The following DENND1A variants were observed in gnomAD, a reference collection of about 807,000 sequenced individuals.
DENND1A encodes the protein DENN domain-containing protein 1A.
A neutral mutation model predicts 113.7 loss-of-function variants in DENND1A; 51 were observed. That is an observed-to-expected ratio of 0.45 (90% CI 0.36 to 0.57). The LOEUF is 0.57. Among genes scored for constraint, DENND1A ranks in the 20% least tolerant of loss-of-function variants. The pLI, the probability that DENND1A is intolerant of heterozygous loss-of-function variation, is 0.00. For synonymous variants in DENND1A, 565 were observed against 570.8 expected, an observed-to-expected ratio of 0.99 and a Z score of 0.14; for missense variants, 1,258 against 1,395.9, an observed-to-expected ratio of 0.90 and a Z score of 1.57.
intron 12 of DENND1A, 132 bp from the exon 13 acceptor site, chr9:123,557,827 A>G: frequency 9.0e-7 from 1 of 1,109,154 alleles, no homozygotes; most frequent in Non-Finnish European, 1.3e-6. Context: ...AGTTACTGGG[A>G]GGACAAAAAC....
At chr9:123,912,270 T>A (rs1854139075) in intron 1 of DENND1A, among the ~76,000 whole-genome samples, 1 of 152,072 alleles carries the variant, frequency 6.6e-6, no homozygotes, top group African/African-American at 2.4e-5. Context: ...ATAAGATGGT[T>A]CTGAAAGGCA....
intron 22 of DENND1A, among the ~76,000 whole-genome samples, chr9:123,385,991 C>G (rs1403288334): frequency 4.6e-5 from 7 of 152,174 alleles, no homozygotes. Flanking sequence ...AAGGCCTGTA[C>G]TGACTTCTAA....
At chr9:123,458,534 T>A (rs950927838) in intron 13 of DENND1A, among the ~76,000 whole-genome samples, 1 of 152,184 alleles carries the variant, frequency 6.6e-6, no homozygotes, top group Non-Finnish European at 1.5e-5. Context: ...AGTCAGATTC[T>A]ACACCCCACA....
intron 19 of DENND1A, among the ~76,000 whole-genome samples, chr9:123,431,694 A>G (rs2046145861): frequency 6.6e-6 from 1 of 152,182 alleles, no homozygotes; most frequent in South Asian, 2.1e-4. Flanking sequence ...AGGCTAACCT[A>G]CTGGAATGGC....
Position 123,389,821 on chromosome 9 carries a change from T to G in DENND1A, c.1632-1963A>C, listed in dbSNP as rs549132079. Reference sequence around the variant, plus strand: ...TCCTGAGCAGGTGAGGGGCAGAGGGTGCGCAGGCCGTGGGCTTCTGCTGCA... The same window carrying G: ...TCCTGAGCAGGTGAGGGGCAGAGGGGGCGCAGGCCGTGGGCTTCTGCTGCA... On this transcript the variant is annotated intron_variant, in intron 21 of 23. Transcript: ENST00000394215. 2.0e-4 allele frequency among the ~76,000 whole-genome samples: 31 copies of G among 151,998 alleles called. 1 individual carries two copies. Among genetic ancestry groups the G allele is most frequent in the Admixed American group, 2.0e-3 (30 of 15,268 alleles).
intron 9 of DENND1A, among the ~76,000 whole-genome samples, chr9:123,635,050 G>A (rs1271349353): frequency 6.6e-6 from 1 of 151,992 alleles, no homozygotes; most frequent in East Asian, 1.9e-4. Flanking sequence ...TGAACGGAGA[G>A]TGATCAATGA....
chr9:123,465,360 ACT>A (rs2048862636), intron 13 of DENND1A, among the ~76,000 whole-genome samples: 1 of 141,736 alleles, frequency 7.1e-6, no homozygotes, highest in Non-Finnish European at 1.5e-5. Context: ...GAAACTTAAA[ACT>A]CTGTTTCTAT....
At chr9:123,514,028 C>T (rs1372872453) in intron 13 of DENND1A, among the ~76,000 whole-genome samples, 1 of 151,302 alleles carries the variant, frequency 6.6e-6, no homozygotes, top group African/African-American at 2.4e-5. Context: ...GTCCAAAAGT[C>T]ACTGGAAAGG....
chr9:123,833,122 CAAAAAAAAAAAAAAAAA>C (rs1163844269), intron 2 of DENND1A, among the ~76,000 whole-genome samples: 1 of 27,568 alleles, frequency 3.6e-5, no homozygotes, highest in African/African-American at 1.1e-4. Context: ...GACCTCATCT[CAAAAAAAAAAAAAAAAA>C]AAAAAAAAAG....
At chr9:123,448,452 G>A (rs1361641460) in intron 18 of DENND1A, among the ~76,000 whole-genome samples, 2 of 152,206 alleles carry the variant, frequency 1.3e-5, no homozygotes, top group East Asian at 3.8e-4. Context: ...GCCTTTGCCT[G>A]AGGAGGGACC....
intron 5 of DENND1A, among the ~76,000 whole-genome samples, chr9:123,737,364 T>G (rs578088319): frequency 7.9e-5 from 12 of 152,186 alleles, no homozygotes; most frequent in African/African-American, 2.9e-4. Context: ...CCTGGCTAAT[T>G]TTTTGTAAAC....
In DENND1A at chr9:123,489,756, G is replaced by A. The variant is rs531037032; in HGVS notation, c.994-31859C>T. 4.6e-5 allele frequency among the ~76,000 whole-genome samples: 7 copies of A among 152,328 alleles called. No homozygotes were observed. The South Asian group carries it at 1.2e-3, about 27-fold the overall frequency. On this transcript the variant is annotated intron_variant, in intron 13 of 23. Transcript: ENST00000394215. ...GCTACTTTAGACACAGCACAAGCTGGTGTCAGTGAGATAACTGGAGAAACT... is the reference window on the plus strand; with the variant it reads ...GCTACTTTAGACACAGCACAAGCTGATGTCAGTGAGATAACTGGAGAAACT...
At chr9:123,666,914 A>T in intron 8 of DENND1A, 112 bp downstream of exon 8, 1 of 1,085,962 alleles carries the variant, frequency 9.2e-7, no homozygotes, top group South Asian at 2.0e-5. Flanking sequence ...TTTTTTAAAA[A>T]CCATAATTTT....
chr9:123,902,863 CAA>C (rs1034185064), intron 1 of DENND1A, among the ~76,000 whole-genome samples: 1 of 119,680 alleles, frequency 8.4e-6, no homozygotes. Context: ...GACAAGATTA[CAA>C]AAAAAAAATT....
At chr9:123,490,935 A>G (rs1211220636) in intron 13 of DENND1A, among the ~76,000 whole-genome samples, 1 of 152,254 alleles carries the variant, frequency 6.6e-6, no homozygotes, top group Non-Finnish European at 1.5e-5. Context: ...AGGGGTGGAG[A>G]TAAGTCCACT....
At chr9:123,733,058 C>T (rs367805198) in intron 5 of DENND1A, among the ~76,000 whole-genome samples, 2 of 144,166 alleles carry the variant, frequency 1.4e-5, no homozygotes, top group East Asian at 2.1e-4. Context: ...CTCGGCTCAC[C>T]GCAACCTCTG....
intron 1 of DENND1A, among the ~76,000 whole-genome samples, chr9:123,906,957 C>T (rs1258061266): frequency 7.0e-6 from 1 of 143,150 alleles, no homozygotes; most frequent in African/African-American, 2.5e-5. Context: ...CAAAAATCCT[C>T]AATAAAATAC....
At chr9:123,593,648 TTTTC>T (rs1471405657) in intron 11 of DENND1A, among the ~76,000 whole-genome samples, 1 of 152,154 alleles carries the variant, frequency 6.6e-6, no homozygotes, top group African/African-American at 2.4e-5. Context: ...TCTTGGGAGC[TTTTC>T]TTTTTCTTTT....
intron 9 of DENND1A, among the ~76,000 whole-genome samples, chr9:123,633,154 C>T (rs184285565): frequency 3.9e-5 from 6 of 152,200 alleles, no homozygotes; most frequent in African/African-American, 1.4e-4. Flanking sequence ...GTGACCCACC[C>T]ACCTCGGCCT....
Sources: gnomAD v4.1 joint callset for allele counts (sites outside exome capture counted in the v4.1 genomes callset) on GRCh38, gnomAD v4.1.1 for gene constraint, MANE v1.5 for transcripts, NCBI Gene and HGNC (gene_info 2026-07-23, HGNC 2026-07-21) for gene names.